The following ZNF804B variants were observed in gnomAD, a reference collection of about 807,000 sequenced individuals.
ZNF804B encodes zinc finger protein 804B.
In ZNF804B, 80 loss-of-function variants were observed where a neutral mutation model predicts 101.4. The observed-to-expected ratio is 0.79, with a 90% CI of 0.66 to 0.95. The LOEUF (loss-of-function observed/expected upper bound fraction) is 0.95. ZNF804B is among the 40% of genes least tolerant of loss of function. The probability of loss-of-function intolerance (pLI) is 0.00; values close to 1 mark genes in which losing one functional copy is unlikely to be tolerated. For synonymous variants in ZNF804B, 622 were observed against 558.8 expected, an observed-to-expected ratio of 1.11 and a Z score of -1.59; for missense variants, 1,673 against 1,561.9, an observed-to-expected ratio of 1.07 and a Z score of -1.20.
At position 88,767,800 on chromosome 7, in the gene ZNF804B, G is replaced by C. The variant is rs1444015843; in HGVS notation, c.108+7716G>C. On this transcript the variant is annotated intron_variant, in intron 1 of 3. Coordinates refer to ENST00000333190, the MANE Select transcript of ZNF804B (RefSeq NM_181646.5). ...TCTACTATTGTCCACTTATACTGAA[G>C]AGTTCTTGACTATGACATGTTCGCA... 5.3e-5 allele frequency among the ~76,000 whole-genome samples: 8 copies of C among 152,330 alleles called. No homozygotes were observed. In the East Asian group the frequency reaches 1.5e-3, roughly 29 times the overall value.
chr7:89,129,543 C>A (rs1790516227), intron 1 of ZNF804B, among the ~76,000 whole-genome samples: 2 of 151,992 alleles, frequency 1.3e-5, no homozygotes, highest in African/African-American at 2.4e-5. Context: ...AGATTGAGAA[C>A]AATACAGTAG....
intron 1 of ZNF804B, among the ~76,000 whole-genome samples, chr7:88,884,983 C>G (rs1454554603): frequency 6.6e-6 from 1 of 151,842 alleles, no homozygotes; most frequent in Non-Finnish European, 1.5e-5. Flanking sequence ...TGCTTTTCCA[C>G]TTTGAGCTTA....
Position 88,880,504 on chromosome 7 carries a change from G to A in ZNF804B, c.108+120420G>A, listed in dbSNP as rs536360209. On this transcript the variant is annotated intron_variant, in intron 1 of 3. Transcript: ENST00000333190. Reference sequence around the variant, plus strand: ...CATTTTCTTACTGATACATAACAATGTCTTGTAATTTAAACATTACTGAAT... The same window carrying A: ...CATTTTCTTACTGATACATAACAATATCTTGTAATTTAAACATTACTGAAT... 3.9e-5 allele frequency among the ~76,000 whole-genome samples: 6 copies of A among 152,186 alleles called. No individual in the cohort carries two copies. The East Asian group carries it at 1.2e-3, about 29-fold the overall frequency.
intron 1 of ZNF804B, among the ~76,000 whole-genome samples, chr7:89,055,244 G>A (rs919165237): frequency 4.6e-5 from 7 of 152,090 alleles, no homozygotes; most frequent in African/African-American, 1.7e-4. Context: ...TATGTGACTG[G>A]AACTTGGAAA....
intron 1 of ZNF804B, among the ~76,000 whole-genome samples, chr7:88,944,992 C>G (rs976316949): frequency 2.6e-5 from 4 of 151,756 alleles, no homozygotes; most frequent in Admixed American, 2.0e-4. Flanking sequence ...GATATTAGCC[C>G]TTTGTTAGAT....
chr7:89,295,356 TC>T (rs1790365653), intron 2 of ZNF804B, among the ~76,000 whole-genome samples: 1 of 152,192 alleles, frequency 6.6e-6, no homozygotes, highest in Admixed American at 6.5e-5. Context: ...GACTCACCTT[TC>T]AGATTGCCTC....
At chr7:88,839,811 A>G (rs1329802261) in intron 1 of ZNF804B, among the ~76,000 whole-genome samples, 1 of 152,004 alleles carries the variant, frequency 6.6e-6, no homozygotes, top group Non-Finnish European at 1.5e-5. Context: ...AAAAATAGGC[A>G]TAATAATTTA....
intron 1 of ZNF804B, among the ~76,000 whole-genome samples, chr7:89,067,492 C>A (rs1410350795): frequency 6.6e-6 from 1 of 152,116 alleles, no homozygotes; most frequent in Non-Finnish European, 1.5e-5. Context: ...ATGCATGCTA[C>A]CAAATGATTG....
chr7:88,782,440 T>C (rs1475084059), intron 1 of ZNF804B, among the ~76,000 whole-genome samples: 1 of 152,108 alleles, frequency 6.6e-6, no homozygotes. Context: ...TTTATTTCAA[T>C]TTAGTTATAT....
chr7:88,970,232 C>A (rs1793511076), intron 1 of ZNF804B, among the ~76,000 whole-genome samples: 1 of 151,508 alleles, frequency 6.6e-6, no homozygotes, highest in Admixed American at 6.6e-5. Flanking sequence ...GATACATGTG[C>A]AGGATGTGCA....
chr7:88,969,584 A>G (rs1793503188), intron 1 of ZNF804B, among the ~76,000 whole-genome samples: 3 of 151,634 alleles, frequency 2.0e-5, no homozygotes, highest in Admixed American at 6.6e-5. Context: ...GAGAGGAAGA[A>G]AGGAGGACAA....
chr7:89,271,875 C>G (rs975153979), intron 2 of ZNF804B, among the ~76,000 whole-genome samples: 4 of 152,022 alleles, frequency 2.6e-5, no homozygotes, highest in Admixed American at 2.6e-4. Flanking sequence ...TTTTAGTATT[C>G]TCTAATGGTA....
chr7:88,993,820 A>G (rs1381531107), intron 1 of ZNF804B, among the ~76,000 whole-genome samples: 3 of 152,016 alleles, frequency 2.0e-5, no homozygotes, highest in Non-Finnish European at 4.4e-5. Context: ...TATTCTTATT[A>G]TAAAACTGGT....
At chr7:89,217,907 AT>A (rs1788921646) in intron 1 of ZNF804B, among the ~76,000 whole-genome samples, 1 of 152,146 alleles carries the variant, frequency 6.6e-6, no homozygotes, top group Non-Finnish European at 1.5e-5. Context: ...CAACCTAGAA[AT>A]GGGTGGCAAG....
At chr7:89,009,420 G>A (rs1292090438) in intron 1 of ZNF804B, among the ~76,000 whole-genome samples, 2 of 152,002 alleles carry the variant, frequency 1.3e-5, no homozygotes, top group Non-Finnish European at 2.9e-5. Context: ...TTTTCTTAGG[G>A]AAATTTAATA....
At chr7:88,931,478 A>G (rs190733670) in intron 1 of ZNF804B, among the ~76,000 whole-genome samples, 3 of 152,042 alleles carry the variant, frequency 2.0e-5, no homozygotes, top group Admixed American at 6.6e-5. Context: ...TGCATCTGCC[A>G]TCATGGAAAT....
chr7:88,897,837 G>A (rs1584003975), intron 1 of ZNF804B, among the ~76,000 whole-genome samples: 2 of 150,866 alleles, frequency 1.3e-5, no homozygotes. Context: ...GCTGGGTGAA[G>A]TTAGTTAACA....
At chr7:88,811,671 A>T (rs1333025648) in intron 1 of ZNF804B, among the ~76,000 whole-genome samples, 1 of 152,204 alleles carries the variant, frequency 6.6e-6, no homozygotes, top group Non-Finnish European at 1.5e-5. Context: ...TGTCATTTAC[A>T]GGGGCATAAA....
chr7:88,833,536 C>A (rs1192533711), intron 1 of ZNF804B, among the ~76,000 whole-genome samples: 6 of 140,514 alleles, frequency 4.3e-5, no homozygotes, highest in Non-Finnish European at 9.1e-5. Context: ...ATTTTAGGAC[C>A]AGTAAAAGAT....
Sources: allele counts gnomAD v4.1 joint callset (sites outside exome capture counted in the v4.1 genomes callset), GRCh38; gene constraint gnomAD v4.1.1; transcripts MANE v1.5; gene names NCBI Gene and HGNC (gene_info 2026-07-23, HGNC 2026-07-21).